Variants in SORCS2 observed in about 807,000 individuals in gnomAD.
SORCS2 encodes the protein sortilin related VPS10 domain containing receptor 2.
A neutral mutation model predicts 141.6 loss-of-function variants in SORCS2; 100 were observed. That is an observed-to-expected ratio of 0.71 (90% CI 0.60 to 0.83). The LOEUF is 0.83. Ranked by LOEUF, SORCS2 falls within the 40% of genes least tolerant of loss-of-function variation. The pLI is 0.00. For missense variants in SORCS2, 1,646 were observed against 1,560.2 expected, an observed-to-expected ratio of 1.05 and a Z score of -0.93; for synonymous variants, 789 against 676.9, an observed-to-expected ratio of 1.17 and a Z score of -2.57.
chr4:7,663,382 G>T lies in SORCS2; in HGVS notation c.953-971G>T, dbSNP rs1205132804. Among the ~76,000 whole-genome samples the T allele has an allele frequency of 6.6e-6, 1 of 152,234 alleles. No homozygotes were observed. Reference sequence around the variant, plus strand: ...AGTCAGTAGACTGTTGACTGATCCTGCCCCTGAGCTAGTCATTTCACTGCA... The same window carrying T: ...AGTCAGTAGACTGTTGACTGATCCTTCCCCTGAGCTAGTCATTTCACTGCA... On this transcript the variant is annotated intron_variant, in intron 6 of 26. Coordinates refer to ENST00000507866, the MANE Select transcript of SORCS2 (RefSeq NM_020777.3). The surrounding 1 kb of genome is among the most constrained non-coding windows in gnomAD (Gnocchi z 4.8).
At chr4:7,537,946 A>G (rs1712265639) in intron 3 of SORCS2, among the ~76,000 whole-genome samples, 1 of 152,166 alleles carries the variant, frequency 6.6e-6, no homozygotes, top group African/African-American at 2.4e-5. Flanking sequence ...TGATCCCACC[A>G]CTACACTCCA....
intron 2 of SORCS2, among the ~76,000 whole-genome samples, chr4:7,397,749 G>A (rs1007760240): frequency 6.6e-6 from 1 of 152,212 alleles, no homozygotes; most frequent in African/African-American, 2.4e-5. Context: ...TCCAAGGCAG[G>A]TTTTGGAGGC....
intron 2 of SORCS2, among the ~76,000 whole-genome samples, chr4:7,509,271 AG>A (rs1732465697): frequency 6.6e-6 from 1 of 152,176 alleles, no homozygotes; most frequent in Non-Finnish European, 1.5e-5. Flanking sequence ...GCCACCTAGC[AG>A]GAACTAGAAT....
In SORCS2 at chr4:7,535,317, C is replaced by T. The variant is rs1474711607; in HGVS notation, c.648+3688C>T. 8.5e-5 allele frequency among the ~76,000 whole-genome samples: 13 copies of T among 152,308 alleles called. 1 individual carries two copies. The highest frequency in any genetic ancestry group is 8.5e-4 in the Admixed American group (13 of 15,304). Reference sequence around the variant, plus strand: ...ACTGCTGTCTCGGAGGCAGGCAGGGCAGTTACGGTGCGGGGCCAGGAGTGC... The same window carrying T: ...ACTGCTGTCTCGGAGGCAGGCAGGGTAGTTACGGTGCGGGGCCAGGAGTGC... On this transcript the variant is annotated intron_variant, in intron 3 of 26. Coordinates refer to ENST00000507866, the MANE Select transcript of SORCS2 (RefSeq NM_020777.3).
chr4:7,696,626 T>C (rs1012938391), intron 11 of SORCS2, among the ~76,000 whole-genome samples: 8 of 152,228 alleles, frequency 5.3e-5, no homozygotes, highest in African/African-American at 1.4e-4. Context: ...AGCCCAGTGC[T>C]GGGGCTCCAG....
intron 2 of SORCS2, among the ~76,000 whole-genome samples, chr4:7,398,954 C>T (rs12512986): frequency 0.035 from 5,313 of 152,304 alleles, 149 homozygotes; most frequent in Admixed American, 0.047. Flanking sequence ...ATGTGCATTC[C>T]CACCTGGGCA....
intron 21 of SORCS2, among the ~76,000 whole-genome samples, 176 bp downstream of exon 21, chr4:7,727,079 G>A (rs1727274098): frequency 6.6e-6 from 1 of 152,212 alleles, no homozygotes; most frequent in Non-Finnish European, 1.5e-5. Context: ...CCTGGGCAAA[G>A]TCTCCCGGTC....
intron 9 of SORCS2, among the ~76,000 whole-genome samples, chr4:7,676,880 TC>T (rs1723180086): frequency 1.1e-5 from 1 of 89,034 alleles, no homozygotes; most frequent in Admixed American, 1.3e-4. Flanking sequence ...CCTCTCTGTG[TC>T]TGAAGTTGGC....
At chr4:7,327,083 A>G (rs1393239879) in intron 1 of SORCS2, among the ~76,000 whole-genome samples, 1 of 152,146 alleles carries the variant, frequency 6.6e-6, no homozygotes. Flanking sequence ...GATCTGCTTC[A>G]CGGGGGGCTG....
intron 18 of SORCS2, among the ~76,000 whole-genome samples, chr4:7,718,611 T>G (rs1024120143): frequency 6.6e-6 from 1 of 152,240 alleles, no homozygotes; most frequent in Non-Finnish European, 1.5e-5. Context: ...CTATTACTTA[T>G]AATTACACAA....
intron 2 of SORCS2, among the ~76,000 whole-genome samples, chr4:7,481,709 C>T (rs1010733042): frequency 6.6e-6 from 1 of 152,046 alleles, no homozygotes; most frequent in African/African-American, 2.4e-5. Flanking sequence ...GTGGGGAGGG[C>T]ACTACTGAGA....
chr4:7,404,557 G>A (rs938521157), intron 2 of SORCS2, among the ~76,000 whole-genome samples: 2 of 152,122 alleles, frequency 1.3e-5, no homozygotes, highest in African/African-American at 2.4e-5. Flanking sequence ...ACTGGTGTAA[G>A]ATGATATCTT....
chr4:7,654,147 C>G lies in SORCS2; in HGVS notation c.827C>G (p.Ser276Cys). 6.3e-7 allele frequency: 1 copy of G among 1,580,040 alleles called. No individual in the cohort carries two copies. Among genetic ancestry groups the G allele is most frequent in the Non-Finnish European group, 8.6e-7 (1 of 1,161,544 alleles). ...YTKESKLYVSSDLGKKWTLLQ... is the reference protein window; with the variant it reads ...YTKESKLYVSCDLGKKWTLLQ... ...TCTGCCCTAAAGCTCTACGTGTCAT[C>G]TGACTTGGGGAAAAAGTGGACACTT... The change falls in exon 5 of 27, where the codon TCT (serine) becomes TGT (cysteine). Residue 276 changes from serine (S) to cysteine (C), a missense_variant. By Grantham distance (112) the Ser-to-Cys change is moderately radical (BLOSUM62 -1). Transcript: ENST00000507866.
chr4:7,388,241 C>T (rs1201166847), intron 1 of SORCS2, among the ~76,000 whole-genome samples: 1 of 152,204 alleles, frequency 6.6e-6, no homozygotes, highest in African/African-American at 2.4e-5. Flanking sequence ...ACTAGAGCAG[C>T]TGCAGTGACT....
chr4:7,253,064 GC>G (rs1213777120), intron 1 of SORCS2, among the ~76,000 whole-genome samples: 1 of 152,240 alleles, frequency 6.6e-6, no homozygotes, highest in Non-Finnish European at 1.5e-5. Flanking sequence ...GCTGGGCTCA[GC>G]CCCCCATGGC....
chr4:7,366,892 C>T (rs1019106047), intron 1 of SORCS2, among the ~76,000 whole-genome samples: 12 of 152,232 alleles, frequency 7.9e-5, no homozygotes, highest in Non-Finnish European at 1.5e-4. Flanking sequence ...CATTCCTTTG[C>T]TCCTTTGTTC....
chr4:7,419,483 G>C (rs1252514719), intron 2 of SORCS2, among the ~76,000 whole-genome samples: 1 of 152,190 alleles, frequency 6.6e-6, no homozygotes, highest in Non-Finnish European at 1.5e-5. Flanking sequence ...GTATTGAATG[G>C]ACCACATGCT....
intron 14 of SORCS2, 140 bp from the exon 15 acceptor site, chr4:7,712,593 G>T (rs781605933): frequency 7.8e-6 from 10 of 1,275,988 alleles, no homozygotes; most frequent in Non-Finnish European, 1.1e-5. Context: ...GCCTCGCTCT[G>T]ATCTCCAGCA....
chr4:7,639,671 G>A (rs1203258061), intron 4 of SORCS2, among the ~76,000 whole-genome samples: 2 of 151,128 alleles, frequency 1.3e-5, no homozygotes, highest in Admixed American at 6.6e-5. Flanking sequence ...GTGCAAATGT[G>A]TGTGAGTGTG....
Sources: gnomAD v4.1 joint callset for allele counts (sites outside exome capture counted in the v4.1 genomes callset) on GRCh38, gnomAD v4.1.1 for gene constraint, Gnocchi (gnomAD v3.1) non-coding constraint, MANE v1.5 for transcripts, NCBI Gene and HGNC (gene_info 2026-07-23, HGNC 2026-07-21) for gene names.